The following DNM3 variants were observed in gnomAD, a reference collection of about 807,000 sequenced individuals.
DNM3 encodes the protein dynamin 3.
DNM3 carries 47 observed loss-of-function variants against 101.6 expected under a neutral mutation model. The observed-to-expected ratio is 0.46, with a 90% CI of 0.37 to 0.59. The LOEUF (loss-of-function observed/expected upper bound fraction) is 0.59, where lower values mean the gene tolerates loss of function less well. DNM3 is among the 20% of genes least tolerant of loss of function. DNM3 has a pLI of 0.00. For missense variants in DNM3, 849 were observed against 1,085.7 expected (o/e 0.78, Z 3.06); for synonymous variants, 385 against 387.9 (o/e 0.99, Z 0.09).
intron 14 of DNM3, among the ~76,000 whole-genome samples, chr1:172,239,671 C>A (rs187416207): frequency 6.6e-6 from 1 of 152,194 alleles, no homozygotes; most frequent in East Asian, 1.9e-4. Context: ...GCAGTGAACA[C>A]AGAGAGCACT....
At chr1:172,062,236 A>G (rs2051291375) in intron 10 of DNM3, among the ~76,000 whole-genome samples, 1 of 152,142 alleles carries the variant, frequency 6.6e-6, no homozygotes, top group African/African-American at 2.4e-5. Flanking sequence ...TTGGGAAGAG[A>G]GAGATAAAAA....
intron 14 of DNM3, among the ~76,000 whole-genome samples, chr1:172,212,936 T>A (rs2060562849): frequency 1.3e-5 from 2 of 152,062 alleles, no homozygotes; most frequent in South Asian, 4.1e-4. Context: ...ACCTTAGAGA[T>A]CGTCGTGTAG....
Position 172,388,830 on chromosome 1 carries a change from T to TG in DNM3, c.2522+28dup, listed in dbSNP as rs771002660. ...CCAAGGTAAGGCATGGAGCAGAAAT[T>TG]GGGGGGGTAGTGCGCCTTGGTTCTC... is the stretch of plus-strand genomic sequence containing the variant. On this transcript the variant is annotated intron_variant, in intron 20 of 20. Transcript: ENST00000627582. The TG allele has an allele frequency of 3.2e-5, 49 of 1,540,666 alleles. 1 individual carries two copies. The highest frequency in any genetic ancestry group is 6.9e-5 in the African/African-American group (5 of 72,870).
At position 172,412,648 on chromosome 1, in the gene DNM3, T is replaced by G; in HGVS notation, c.*4807T>G. On this transcript the variant is annotated 3_prime_UTR_variant, in exon 21 of 21. Coordinates refer to ENST00000627582, the MANE Select transcript of DNM3 (RefSeq NM_015569.5). ...TCAAAGCCTGTATCGTTCTTGAAGG[T>G]CACATGTACCTATTGTGAAAATGTG... 1 of 985,798 alleles carries G rather than the reference T, an allele frequency of 1.0e-6. No individual in the cohort carries two copies. The allele number at this position is 985,798 out of a possible 1,614,324, so 61.1% of individuals were successfully genotyped here.
At chr1:172,117,691 G>A (rs1178783944) in intron 13 of DNM3, among the ~76,000 whole-genome samples, 1 of 152,172 alleles carries the variant, frequency 6.6e-6, no homozygotes. Context: ...GGTCCCACAA[G>A]TATCATCTTT....
At chr1:171,892,677 A>G (rs1488851599) in intron 1 of DNM3, among the ~76,000 whole-genome samples, 2 of 152,214 alleles carry the variant, frequency 1.3e-5, no homozygotes, top group Non-Finnish European at 2.9e-5. Context: ...CCCAGAGGCA[A>G]GAACTTTATC....
rs531907053 is a variant in DNM3, at chr1:172,320,053, T to TA, written c.1882-3270dup. 3.3e-5 allele frequency among the ~76,000 whole-genome samples: 5 copies of TA among 151,492 alleles called. No individual in the cohort carries two copies. In the East Asian group the frequency reaches 9.7e-4, roughly 29 times the overall value. On this transcript the variant is annotated intron_variant, in intron 16 of 20. Coordinates refer to ENST00000627582, the MANE Select transcript of DNM3 (RefSeq NM_015569.5). ...TACACCATGGAATACTACGCAGCCATAAAAAATGATGAGTTCATGTCCTTT... is the reference window on the plus strand; with the variant it reads ...TACACCATGGAATACTACGCAGCCATAAAAAAATGATGAGTTCATGTCCTTT...
chr1:172,185,940 C>T (rs1368595946), intron 14 of DNM3, among the ~76,000 whole-genome samples: 1 of 152,026 alleles, frequency 6.6e-6, no homozygotes, highest in Admixed American at 6.6e-5. Context: ...TCCAAGCAGT[C>T]ATATTATGAA....
At chr1:171,885,231 G>C (rs1467795033) in intron 1 of DNM3, among the ~76,000 whole-genome samples, 1 of 151,984 alleles carries the variant, frequency 6.6e-6, no homozygotes, top group Non-Finnish European at 1.5e-5. Context: ...AAAAAATCGG[G>C]AGATTGTTTT....
intron 15 of DNM3, among the ~76,000 whole-genome samples, chr1:172,265,989 C>T (rs2062844330): frequency 6.6e-6 from 1 of 152,194 alleles, no homozygotes; most frequent in African/African-American, 2.4e-5. Flanking sequence ...CCTCCTCCCC[C>T]TTTTCCTATA....
intron 15 of DNM3, among the ~76,000 whole-genome samples, chr1:172,287,139 G>T (rs1320434068): frequency 6.6e-6 from 1 of 152,186 alleles, no homozygotes; most frequent in Non-Finnish European, 1.5e-5. Flanking sequence ...CCTTCAAGAG[G>T]CCAGGAGATC....
intron 4 of DNM3, among the ~76,000 whole-genome samples, chr1:172,004,282 A>G (rs1395387803): frequency 1.3e-5 from 2 of 152,048 alleles, no homozygotes; most frequent in East Asian, 3.9e-4. Flanking sequence ...AGAGATGTAT[A>G]TTAGAGTTTA....
intron 3 of DNM3, among the ~76,000 whole-genome samples, chr1:171,988,223 C>A (rs1051826538): frequency 6.6e-6 from 1 of 152,064 alleles, no homozygotes; most frequent in Non-Finnish European, 1.5e-5. Flanking sequence ...CCCAGACTAT[C>A]GGTAGAAACT....
chr1:172,389,251 T>C (rs2069381348), intron 20 of DNM3: 1 of 164,366 alleles, frequency 6.1e-6, no homozygotes, highest in South Asian at 1.7e-4. Context: ...TTCTGAACTG[T>C]GATCCTTATA....
intron 4 of DNM3, among the ~76,000 whole-genome samples, chr1:172,008,427 C>T (rs2125696843): frequency 6.6e-6 from 1 of 151,554 alleles, no homozygotes; most frequent in East Asian, 1.9e-4. Context: ...ATGTGGAAAG[C>T]TAGTTTTTTC....
chr1:171,946,745 A>G (rs1474215560), intron 2 of DNM3, among the ~76,000 whole-genome samples: 22 of 152,204 alleles, frequency 1.4e-4, no homozygotes, highest in Admixed American at 1.4e-3. Context: ...TGAGACCCTT[A>G]GAAAGCTTCC....
In DNM3 at chr1:171,883,414, C is replaced by CACA. The variant is rs1365474682; in HGVS notation, c.162-38334_162-38333insACA. Among the ~76,000 whole-genome samples, 39 of 56,230 alleles carry CACA rather than the reference C, an allele frequency of 6.9e-4. 1 individual carries two copies. Among genetic ancestry groups the CACA allele is most frequent in the African/African-American group, 1.6e-3 (25 of 15,252 alleles). 36.9% of individuals were successfully genotyped at this position (56,230 alleles called of 152,430 possible). On this transcript the variant is annotated intron_variant, in intron 1 of 20. Coordinates refer to ENST00000627582, the MANE Select transcript of DNM3 (RefSeq NM_015569.5). ...ACACACACACACACACACACACACA[C>CACA]CCTGTCAGAATGAATACCATCAATC...
At chr1:171,998,940 G>T (rs2046188757) in intron 4 of DNM3, among the ~76,000 whole-genome samples, 1 of 152,124 alleles carries the variant, frequency 6.6e-6, no homozygotes, top group Non-Finnish European at 1.5e-5. Context: ...CAGCAGAAAA[G>T]TGTGGTTGGT....
At chr1:172,308,940 A>G (rs1256512153) in intron 16 of DNM3, 101 bp downstream of exon 16, 1 of 582,900 alleles carries the variant, frequency 1.7e-6, no homozygotes, top group African/African-American at 1.9e-5. Context: ...TTTCTTACTG[A>G]CTTAATTAAT....
Sources: allele counts gnomAD v4.1 joint callset (sites outside exome capture counted in the v4.1 genomes callset), GRCh38; gene constraint gnomAD v4.1.1; transcripts MANE v1.5; gene names NCBI Gene and HGNC (gene_info 2026-07-23, HGNC 2026-07-21).